GARIN5A: variants seen among roughly 807,000 people sequenced by gnomAD.
The protein encoded by GARIN5A is Golgi-associated RAB2 interactor protein 5A.
At chr19:50,467,430 CCAGCCCTCATCTCCCTCAG>C in the GARIN5A span, 3 of 650,596 alleles carry the variant, frequency 4.6e-6, no homozygotes, top group South Asian at 2.0e-5. Flanking sequence ...GTCCAGGACC[CCAGCCCTCATCTCCCTCAG>C]ACCCAGGAGT....
chr19:50,471,719 C>T, the GARIN5A span, among the ~76,000 whole-genome samples: 3 of 149,400 alleles, frequency 2.0e-5, no homozygotes, highest in Non-Finnish European at 3.0e-5. Flanking sequence ...TGTGTGTATA[C>T]GCATACATGC....
chr19:50,476,056 C>T, the GARIN5A span: 1 of 1,607,304 alleles, frequency 6.2e-7, no homozygotes, highest in Non-Finnish European at 8.5e-7. Context: ...TCAGATGCCC[C>T]CGAATTGCCG....
At chr19:50,470,026 C>T in the GARIN5A span, among the ~76,000 whole-genome samples, 419 of 152,308 alleles carry the variant, frequency 2.8e-3, no homozygotes, top group African/African-American at 9.4e-3. Flanking sequence ...CCCTGTCATC[C>T]AGATGAGGAA....
At chr19:50,474,581 G>A in the GARIN5A span, among the ~76,000 whole-genome samples, 3 of 152,022 alleles carry the variant, frequency 2.0e-5, no homozygotes, top group African/African-American at 7.2e-5. Flanking sequence ...TCTTGACCTC[G>A]TGATCCACCC....
the GARIN5A span, chr19:50,467,447 C>T: frequency 2.8e-6 from 2 of 718,232 alleles, no homozygotes; most frequent in Non-Finnish European, 4.5e-6. Flanking sequence ...TCATCTCCCT[C>T]AGACCCAGGA....
At chr19:50,472,126 A>G in the GARIN5A span, among the ~76,000 whole-genome samples, 1 of 137,100 alleles carries the variant, frequency 7.3e-6, no homozygotes, top group Admixed American at 7.2e-5. Flanking sequence ...ATGTATATAT[A>G]CGTGTGTATA....
the GARIN5A span, among the ~76,000 whole-genome samples, chr19:50,474,007 A>T: frequency 2.7e-4 from 41 of 152,240 alleles, no homozygotes; most frequent in African/African-American, 9.9e-4. Flanking sequence ...AGTGAAAGCT[A>T]CTGGCAGAAT....
chr19:50,472,310 T>G, the GARIN5A span, among the ~76,000 whole-genome samples: 2 of 151,798 alleles, frequency 1.3e-5, no homozygotes, highest in Non-Finnish European at 2.9e-5. Context: ...TATATATACA[T>G]GTATGTGTGT....
At chr19:50,470,528 G>A in the GARIN5A span, among the ~76,000 whole-genome samples, 1 of 151,464 alleles carries the variant, frequency 6.6e-6, no homozygotes, top group East Asian at 1.9e-4. Context: ...AAAAAAAAGA[G>A]TCCAATTGTG....
the GARIN5A span, chr19:50,476,070 C>G: frequency 6.2e-7 from 1 of 1,608,982 alleles, no homozygotes; most frequent in Non-Finnish European, 8.5e-7. Context: ...ATTGCCGGCC[C>G]CATCCTACTT....
chr19:50,470,242 G>A, the GARIN5A span, among the ~76,000 whole-genome samples: 10 of 152,198 alleles, frequency 6.6e-5, no homozygotes, highest in East Asian at 1.9e-4. Flanking sequence ...GGCTGTGCAC[G>A]GTGGCTCAGG....
the GARIN5A span, among the ~76,000 whole-genome samples, chr19:50,472,167 C>CATGTAT: frequency 2.2e-5 from 3 of 138,380 alleles, no homozygotes; most frequent in South Asian, 2.3e-4. Flanking sequence ...TGTATGTATA[C>CATGTAT]GTGTGTATAT....
the GARIN5A span, among the ~76,000 whole-genome samples, chr19:50,472,108 G>GTGTGTATATGTATATATACGTGTGTA: frequency 7.2e-6 from 1 of 138,756 alleles, no homozygotes; most frequent in Admixed American, 7.0e-5. Flanking sequence ...GTATATATAC[G>GTGTGTATATGTATATATACGTGTGTA]TGTGTATATG....
At chr19:50,471,730 ACGTGTGTGTATACGCATACAT>A in the GARIN5A span, among the ~76,000 whole-genome samples, 2 of 87,960 alleles carry the variant, frequency 2.3e-5, no homozygotes, top group South Asian at 6.8e-4. Flanking sequence ...GCATACATGC[ACGTGTGTGTATACGCATACAT>A]GCATGTGTAT....
At chr19:50,472,239 T>C in the GARIN5A span, among the ~76,000 whole-genome samples, 3 of 70,586 alleles carry the variant, frequency 4.3e-5, no homozygotes, top group Admixed American at 1.7e-4. Flanking sequence ...CATGTATGTG[T>C]GTATTATATA....
At chr19:50,476,471 G>A in the GARIN5A span, 2 of 1,574,052 alleles carry the variant, frequency 1.3e-6, no homozygotes, top group Non-Finnish European at 8.6e-7. Context: ...GCGTCAGGAT[G>A]CGGCCTGTTC....
the GARIN5A span, among the ~76,000 whole-genome samples, chr19:50,472,283 GTA>G: frequency 1.3e-5 from 2 of 151,208 alleles, no homozygotes; most frequent in Non-Finnish European, 2.9e-5. Context: ...ATATATACAT[GTA>G]TGTGTGTATA....
the GARIN5A span, among the ~76,000 whole-genome samples, chr19:50,469,401 C>A: frequency 6.6e-6 from 1 of 152,186 alleles, no homozygotes; most frequent in African/African-American, 2.4e-5. Flanking sequence ...TCTGACGGAG[C>A]CCCACAGGCC....
chr19:50,475,521 G>C, the GARIN5A span: 3 of 1,461,136 alleles, frequency 2.1e-6, no homozygotes, highest in Non-Finnish European at 9.3e-7. Flanking sequence ...GGGATCAGAG[G>C]TTAGGAATCT....
Sources: allele counts gnomAD v4.1 joint callset (sites outside exome capture counted in the v4.1 genomes callset), GRCh38; gene constraint gnomAD v4.1.1; transcripts MANE v1.5; gene names NCBI Gene and HGNC (gene_info 2026-07-23, HGNC 2026-07-21).